The following KLF3 variants were observed in gnomAD, a reference collection of about 807,000 sequenced individuals.
KLF3 encodes the protein Krueppel-like factor 3.
In KLF3, 6 loss-of-function variants were observed where a neutral mutation model predicts 32.7. The ratio of observed to expected loss-of-function variants is 0.18; its 90% CI spans 0.10 to 0.36. The LOEUF (loss-of-function observed/expected upper bound fraction) is 0.36, where lower values mean the gene tolerates loss of function less well. Among genes scored for constraint, KLF3 ranks in the 10% least tolerant of loss-of-function variants. KLF3 has a pLI of 1.00. For synonymous variants in KLF3, 145 were observed against 172.8 expected, an observed-to-expected ratio of 0.84 and a Z score of 1.26; for missense variants, 338 against 449.7, an observed-to-expected ratio of 0.75 and a Z score of 2.25.
At chr4:38,677,613 T>G (rs919503105) in intron 1 of KLF3, among the ~76,000 whole-genome samples, 6 of 152,198 alleles carry the variant, frequency 3.9e-5, no homozygotes, top group Non-Finnish European at 2.9e-5. Flanking sequence ...GCTCAGAAGC[T>G]GTTGTTGCAG....
Position 38,674,885 on chromosome 4 carries a change from C to T in KLF3, c.-39-5702C>T, listed in dbSNP as rs1376173741. 6.6e-6 allele frequency among the ~76,000 whole-genome samples: 1 copy of T among 152,204 alleles called. No homozygotes were observed. Among genetic ancestry groups the T allele is most frequent in the East Asian group, 1.9e-4 (1 of 5,188 alleles). ...AAGGTCGTTTCTGTAATAAATCATGCTCTAGCCTCCAGGCAAGCTGCTTTC... is the reference window on the plus strand; with the variant it reads ...AAGGTCGTTTCTGTAATAAATCATGTTCTAGCCTCCAGGCAAGCTGCTTTC... On this transcript the variant is annotated intron_variant, in intron 1 of 5. Coordinates refer to ENST00000261438, the MANE Select transcript of KLF3 (RefSeq NM_016531.6). The surrounding 1 kb of genome is among the most constrained non-coding windows in gnomAD (Gnocchi z 4.1).
intron 2 of KLF3, among the ~76,000 whole-genome samples, chr4:38,684,469 A>C (rs574444994): frequency 6.6e-6 from 1 of 151,018 alleles, no homozygotes; most frequent in Non-Finnish European, 1.5e-5. Flanking sequence ...ATCTGAGTAC[A>C]TGTTACAGAC....
At chr4:38,696,208 A>AC (rs869212236) in intron 5 of KLF3, among the ~76,000 whole-genome samples, 4 of 134,666 alleles carry the variant, frequency 3.0e-5, no homozygotes, top group Non-Finnish European at 4.7e-5. Context: ...AAAAAAAAAA[A>AC]CGCCTCTTTG....
In KLF3 at chr4:38,688,488, ATTG is replaced by A. The variant is rs1202398193; in HGVS notation, c.58-94_58-92del. On this transcript the variant is annotated intron_variant, in intron 2 of 5. Transcript: ENST00000261438. This position sits in a 1 kb window ranked among gnomAD's most constrained non-coding sequence, Gnocchi z 4.9. ...TAAACTATTTTGTAAAGCCCATGTA[ATTG>A]TTAAGTGCCTTGTTAGCATATTTTT... 1.6e-6 allele frequency: 2 copies of A among 1,223,014 alleles called. No individual in the cohort carries two copies. Among genetic ancestry groups the A allele is most frequent in the East Asian group, 4.7e-5 (2 of 42,586 alleles). The allele number at this position is 1,223,014 out of a possible 1,614,324, so 75.8% of individuals were successfully genotyped here. A position where few individuals can be genotyped will look rare whatever the true frequency, so the allele number is the denominator to read the frequency against.
chr4:38,696,642 G>A (rs1047949211), intron 5 of KLF3, among the ~76,000 whole-genome samples: 2 of 152,212 alleles, frequency 1.3e-5, no homozygotes, highest in Non-Finnish European at 2.9e-5. Flanking sequence ...AGTTGTTAGA[G>A]ACTTCATATT....
chr4:38,680,657 A>G lies in KLF3; in HGVS notation c.32A>G (p.Gln11Arg). Residue 11 changes from glutamine to arginine, a missense_variant, in exon 2 of 6, where the codon CAA becomes CGA. Around this residue, in one of 2 missense-constraint regions of KLF3, gnomAD observed 272 missense variants for 313.4 expected, o/e 0.87. Transcript: ENST00000261438. ...ATGTTTGACCCAGTTCCTGTCAAGCAAGAGGCCATGGACCCTGTCTCAGTG... is the reference window on the plus strand; with the variant it reads ...ATGTTTGACCCAGTTCCTGTCAAGCGAGAGGCCATGGACCCTGTCTCAGTG... MLMFDPVPVK[Q>R]EAMDPVSVSY... 1 of 1,613,832 alleles carries G rather than the reference A, an allele frequency of 6.2e-7. No individual in the cohort carries two copies. Among genetic ancestry groups the G allele is most frequent in the South Asian group, 1.1e-5 (1 of 91,080 alleles).
Position 38,700,143 on chromosome 4 carries a change from A to G in KLF3, c.*2880A>G, listed in dbSNP as rs1723158343. ...TGAATCTACATCATAAATGGGCATT[A>G]ACATTCTAAATTGCTTGGTTTGGAG... On this transcript the variant is annotated 3_prime_UTR_variant, in exon 6 of 6. Transcript: ENST00000261438. 6.6e-6 allele frequency: 1 copy of G among 152,374 alleles called. No individual in the cohort carries two copies. Among genetic ancestry groups the G allele is most frequent in the South Asian group, 2.1e-4 (1 of 4,826 alleles). 9.4% of individuals were successfully genotyped at this position (152,374 alleles called of 1,614,324 possible).
chr4:38,696,186 GAAAAAAAAAAA>G lies in KLF3; in HGVS notation c.857-884_857-874del, dbSNP rs57996051. 6.0e-5 allele frequency among the ~76,000 whole-genome samples: 6 copies of G among 99,268 alleles called. No individual in the cohort carries two copies. In the East Asian group the frequency reaches 1.9e-3, roughly 31 times the overall value. The allele number at this position is 99,268 out of a possible 152,430, so 65.1% of individuals were successfully genotyped here. A position where few individuals can be genotyped will look rare whatever the true frequency, so the allele number is the denominator to read the frequency against. ...TATTTGGGTGACAGTTTAGATGTAG[GAAAAAAAAAAA>G]AAAAAAAAAAACGCCTCTTTGTGTG... On this transcript the variant is annotated intron_variant, in intron 5 of 5. Coordinates refer to ENST00000261438, the MANE Select transcript of KLF3 (RefSeq NM_016531.6).
chr4:38,679,084 G>A (rs1372257799), intron 1 of KLF3, among the ~76,000 whole-genome samples: 1 of 152,214 alleles, frequency 6.6e-6, no homozygotes, highest in Non-Finnish European at 1.5e-5. Context: ...ATGGCAAGCA[G>A]AGAACAACAG....
Position 38,688,285 on chromosome 4 carries a change from G to A in KLF3, c.58-300G>A, listed in dbSNP as rs1579128461. ...ATCACCTGTCTTAGAATTTTGCCAG[G>A]TATCGGCCTTAATGTTTGACACAGG... On this transcript the variant is annotated intron_variant, in intron 2 of 5. Coordinates refer to ENST00000261438, the MANE Select transcript of KLF3 (RefSeq NM_016531.6). The surrounding 1 kb of genome is among the most constrained non-coding windows in gnomAD (Gnocchi z 4.9). Among the ~76,000 whole-genome samples, 1 of 152,256 alleles carries A rather than the reference G, an allele frequency of 6.6e-6. No homozygotes were observed. The highest frequency in any genetic ancestry group is 3.4e-3 in the Middle Eastern group (1 of 294).
At chr4:38,685,143 A>G (rs1004284352) in intron 2 of KLF3, among the ~76,000 whole-genome samples, 3 of 151,734 alleles carry the variant, frequency 2.0e-5, no homozygotes, top group African/African-American at 7.3e-5. Flanking sequence ...GAAGACTGTT[A>G]CCAGGTTGTA....
At chr4:38,689,292 C>A (rs1044237854) in intron 3 of KLF3, among the ~76,000 whole-genome samples, 2 of 152,152 alleles carry the variant, frequency 1.3e-5, no homozygotes, top group Non-Finnish European at 2.9e-5. Flanking sequence ...TGATTACTTT[C>A]ACTATGTAAT....
At chr4:38,677,513 C>T (rs1265647479) in intron 1 of KLF3, among the ~76,000 whole-genome samples, 1 of 152,172 alleles carries the variant, frequency 6.6e-6, no homozygotes, top group Non-Finnish European at 1.5e-5. Flanking sequence ...AAAGGAACTC[C>T]AGAGCCCATC....
At chr4:38,684,189 T>C (rs1317090103) in intron 2 of KLF3, among the ~76,000 whole-genome samples, 1 of 152,226 alleles carries the variant, frequency 6.6e-6, no homozygotes, top group Non-Finnish European at 1.5e-5. Context: ...ATTGCAATTA[T>C]CACCTTAGCA....
At chr4:38,667,224 C>G (rs1178130162) in intron 1 of KLF3, among the ~76,000 whole-genome samples, 1 of 152,202 alleles carries the variant, frequency 6.6e-6, no homozygotes, top group Non-Finnish European at 1.5e-5. Flanking sequence ...CTAAATGTTT[C>G]TCTGTGCTTT....
chr4:38,692,091 A>T (rs1169252396), intron 4 of KLF3, among the ~76,000 whole-genome samples: 2 of 152,208 alleles, frequency 1.3e-5, no homozygotes, highest in African/African-American at 2.4e-5. Context: ...AATATACAAA[A>T]CTATATTTAG....
At chr4:38,693,105 T>TATATATATAC (rs1350065898) in intron 4 of KLF3, among the ~76,000 whole-genome samples, 1 of 48,002 alleles carries the variant, frequency 2.1e-5, no homozygotes, top group African/African-American at 7.9e-5. Context: ...TATATATATG[T>TATATATATAC]ACATATATAT....
At chr4:38,690,113 A>T (rs1432029536) in intron 4 of KLF3, 1 of 432,168 alleles carries the variant, frequency 2.3e-6, no homozygotes, top group African/African-American at 2.0e-5. Flanking sequence ...TCATGGAATC[A>T]GTCATCCATG....
At position 38,688,819 on chromosome 4, in the gene KLF3, C is replaced by T. The variant is rs1166360331; in HGVS notation, c.292C>T (p.Pro98Ser). ...GAGAGCCTCGCCTGGGTTGAGCATGCCTTCTTCCAGCCCACCGATAAAAAA... is the reference window on the plus strand; with the variant it reads ...GAGAGCCTCGCCTGGGTTGAGCATGTCTTCTTCCAGCCCACCGATAAAAAA... The part of the protein sequence containing the change: ...HRRASPGLSM[P>S]SSSPPIKKYS... The change falls in exon 3 of 6, where the codon CCT (proline) becomes TCT (serine). Residue 98 changes from proline to serine, a missense_variant. By Grantham distance (74) the Pro-to-Ser change is moderately conservative (BLOSUM62 -1). Around this residue, in one of 2 missense-constraint regions of KLF3, gnomAD observed 272 missense variants for 313.4 expected, o/e 0.87. Transcript: ENST00000261438. The surrounding 1 kb of genome is among the most constrained non-coding windows in gnomAD (Gnocchi z 4.9). 1 of 1,614,080 alleles carries T rather than the reference C, an allele frequency of 6.2e-7. No homozygotes were observed. Among genetic ancestry groups the T allele is most frequent in the African/African-American group, 1.3e-5 (1 of 74,932 alleles).
Sources: gnomAD v4.1 joint callset for allele counts (sites outside exome capture counted in the v4.1 genomes callset) on GRCh38, gnomAD v4.1.1 for gene constraint, gnomAD v4.1.1 regional missense constraint, Gnocchi (gnomAD v3.1) non-coding constraint, MANE v1.5 for transcripts, NCBI Gene and HGNC (gene_info 2026-07-23, HGNC 2026-07-21) for gene names.